NSG2: variants seen among roughly 807,000 people sequenced by gnomAD.
NSG2 encodes neuronal vesicle trafficking associated 2.
NSG2 carries 4 observed loss-of-function variants against 16.9 expected under a neutral mutation model. The ratio of observed to expected loss-of-function variants is 0.24; its 90% CI spans 0.12 to 0.54. The LOEUF (loss-of-function observed/expected upper bound fraction) is 0.54, where lower values mean the gene tolerates loss of function less well. Ranked by LOEUF, NSG2 falls within the 20% of genes least tolerant of loss-of-function variation. NSG2 has a pLI of 0.95. For missense variants in NSG2, 179 were observed against 221.1 expected, an observed-to-expected ratio of 0.81 and a Z score of 1.21; for synonymous variants, 98 against 88.7, an observed-to-expected ratio of 1.11 and a Z score of -0.59.
At chr5:174,068,898 T>C (rs1353587874) in intron 3 of NSG2, among the ~76,000 whole-genome samples, 1 of 150,690 alleles carries the variant, frequency 6.6e-6, no homozygotes, top group East Asian at 2.0e-4. Context: ...CCTGGTGCTA[T>C]GGAAGGTGCT....
intron 3 of NSG2, among the ~76,000 whole-genome samples, chr5:174,081,990 T>A (rs1485140329): frequency 6.6e-6 from 1 of 152,186 alleles, no homozygotes; most frequent in Non-Finnish European, 1.5e-5. Context: ...CTTTATATAT[T>A]TTTTAAAAAC....
At chr5:174,097,461 CTGTG>C (rs1054747540) in intron 3 of NSG2, among the ~76,000 whole-genome samples, 1 of 149,614 alleles carries the variant, frequency 6.7e-6, no homozygotes, top group East Asian at 2.0e-4. Flanking sequence ...TGGGGGGAGG[CTGTG>C]TGTGTGTATG....
chr5:174,075,595 C>T (rs1205909878), intron 3 of NSG2, among the ~76,000 whole-genome samples: 6 of 152,120 alleles, frequency 3.9e-5, no homozygotes, highest in Admixed American at 3.9e-4. Context: ...AAAAGAGAAG[C>T]GACAATTTCC....
At chr5:174,057,296 CTT>C (rs1412665068) in intron 2 of NSG2, among the ~76,000 whole-genome samples, 1 of 152,138 alleles carries the variant, frequency 6.6e-6, no homozygotes, top group Non-Finnish European at 1.5e-5. Context: ...AGAAGAGAGG[CTT>C]TCTTTGCAAA....
At chr5:174,065,598 T>A (rs1760125991) in intron 3 of NSG2, among the ~76,000 whole-genome samples, 1 of 152,192 alleles carries the variant, frequency 6.6e-6, no homozygotes. Flanking sequence ...GGAGGGGCAC[T>A]ATTAGGCTAC....
At chr5:174,051,452 C>G (rs1759888027) in intron 2 of NSG2, among the ~76,000 whole-genome samples, 1 of 152,198 alleles carries the variant, frequency 6.6e-6, no homozygotes, top group South Asian at 2.1e-4. Context: ...GTTCAGACAG[C>G]ACCTCTCCTG....
chr5:174,102,401 T>C (rs1210493447), intron 3 of NSG2, among the ~76,000 whole-genome samples: 3 of 152,148 alleles, frequency 2.0e-5, no homozygotes, highest in Non-Finnish European at 2.9e-5. Flanking sequence ...AAAGGAACCT[T>C]TCCTCCATGA....
At chr5:174,085,181 A>G (rs1760585811) in intron 3 of NSG2, among the ~76,000 whole-genome samples, 2 of 152,166 alleles carry the variant, frequency 1.3e-5, no homozygotes, top group Admixed American at 6.5e-5. Context: ...AATGACAGTA[A>G]TAATATCCAA....
chr5:174,083,046 G>A (rs1192387407), intron 3 of NSG2, among the ~76,000 whole-genome samples: 1 of 152,156 alleles, frequency 6.6e-6, no homozygotes, highest in Admixed American at 6.5e-5. Context: ...ACTGTCATGG[G>A]CCACTCCAAC....
rs1760764241 is a variant in NSG2, at chr5:174,094,413, C to T, written c.214-9815C>T. ...TAGGCACCATCTCATTTAATCTTCA[C>T]AGCAATCCTATGGGGTGGGATTGAT... is the stretch of plus-strand genomic sequence containing the variant. On this transcript the variant is annotated intron_variant, in intron 3 of 4. Coordinates refer to ENST00000303177, the MANE Select transcript of NSG2 (RefSeq NM_015980.5). Among the ~76,000 whole-genome samples, 3 of 152,174 alleles carry T rather than the reference C, an allele frequency of 2.0e-5. No homozygotes were observed. In the South Asian group the frequency reaches 6.2e-4, roughly 32 times the overall value.
chr5:174,090,678 G>A (rs1760707374), intron 3 of NSG2, among the ~76,000 whole-genome samples: 1 of 152,208 alleles, frequency 6.6e-6, no homozygotes, highest in Non-Finnish European at 1.5e-5. Context: ...CCCAGGTAAG[G>A]TGTGTCTGTG....
At chr5:174,055,329 C>T (rs1373714759) in intron 2 of NSG2, among the ~76,000 whole-genome samples, 1 of 152,130 alleles carries the variant, frequency 6.6e-6, no homozygotes, top group Non-Finnish European at 1.5e-5. Context: ...CATGGTGGCT[C>T]ATGCCTGTAA....
chr5:174,097,116 G>A (rs1337638803), intron 3 of NSG2, among the ~76,000 whole-genome samples: 4 of 152,180 alleles, frequency 2.6e-5, no homozygotes, highest in Admixed American at 1.3e-4. Flanking sequence ...ACTGTGATTA[G>A]ATGGAGGGAG....
intron 2 of NSG2, among the ~76,000 whole-genome samples, chr5:174,047,891 G>A (rs1329096170): frequency 3.3e-5 from 5 of 152,208 alleles, no homozygotes; most frequent in Non-Finnish European, 5.9e-5. Flanking sequence ...GCTTAAGAGC[G>A]AACAATGGAT....
chr5:174,067,010 A>G (rs1760152353), intron 3 of NSG2, among the ~76,000 whole-genome samples: 1 of 150,750 alleles, frequency 6.6e-6, no homozygotes, highest in Admixed American at 6.6e-5. Flanking sequence ...AAAAAAAAAA[A>G]AAAAAAGAAA....
chr5:174,074,162 A>T (rs1238715334), intron 3 of NSG2, among the ~76,000 whole-genome samples: 1 of 152,214 alleles, frequency 6.6e-6, no homozygotes, highest in East Asian at 1.9e-4. Context: ...GTTTGATCCC[A>T]TGGGTTTGTG....
At chr5:174,096,570 C>T (rs545029130) in intron 3 of NSG2, among the ~76,000 whole-genome samples, 9 of 152,234 alleles carry the variant, frequency 5.9e-5, no homozygotes, top group Non-Finnish European at 1.2e-4. Context: ...TGTGGTGGCT[C>T]GTTCATCAGG....
chr5:174,087,511 G>A (rs1439896819), intron 3 of NSG2, among the ~76,000 whole-genome samples: 1 of 152,148 alleles, frequency 6.6e-6, no homozygotes, highest in Non-Finnish European at 1.5e-5. Context: ...TGAGCATTGT[G>A]GCTCATGCTT....
At chr5:174,066,145 A>G (rs1282732015) in intron 3 of NSG2, 1 of 455,398 alleles carries the variant, frequency 2.2e-6, no homozygotes, top group Non-Finnish European at 4.4e-6. Flanking sequence ...GGAACTTCCT[A>G]GATGCCACCC....
Sources: gnomAD v4.1 joint callset for allele counts (sites outside exome capture counted in the v4.1 genomes callset) on GRCh38, gnomAD v4.1.1 for gene constraint, MANE v1.5 for transcripts, NCBI Gene and HGNC (gene_info 2026-07-23, HGNC 2026-07-21) for gene names.